The following STPG4 variants were observed in gnomAD, a reference collection of about 807,000 sequenced individuals.
STPG4 encodes the protein protein STPG4.
STPG4 carries 41 observed loss-of-function variants against 31.5 expected under a neutral mutation model. The observed-to-expected ratio is 1.30, with a 90% CI of 1.01 to 1.69. The LOEUF is 1.69. STPG4 is among the 40% of genes most tolerant of loss of function. The pLI, the probability that STPG4 is intolerant of heterozygous loss-of-function variation, is 0.00. For synonymous variants in STPG4, 141 were observed against 103.0 expected, an observed-to-expected ratio of 1.37 and a Z score of -2.24; for missense variants, 375 against 293.4, an observed-to-expected ratio of 1.28 and a Z score of -2.03.
At chr2:47,088,789 G>C (rs935515076) in intron 6 of STPG4, among the ~76,000 whole-genome samples, 1 of 152,194 alleles carries the variant, frequency 6.6e-6, no homozygotes, top group Non-Finnish European at 1.5e-5. Context: ...AAAAGCAGAG[G>C]AGCAGCCTGG....
intron 5 of STPG4, among the ~76,000 whole-genome samples, chr2:47,093,243 C>G (rs915397760): frequency 6.6e-6 from 1 of 152,192 alleles, no homozygotes; most frequent in African/African-American, 2.4e-5. Flanking sequence ...AGATGCCCCT[C>G]ATCATTTTTA....
intron 5 of STPG4, among the ~76,000 whole-genome samples, chr2:47,103,323 T>A (rs1173001946): frequency 2.0e-5 from 3 of 151,822 alleles, no homozygotes; most frequent in Admixed American, 2.0e-4. Flanking sequence ...CCCAAATCAC[T>A]CGAGGGTCAA....
At chr2:47,104,288 G>A (rs561616166) in intron 5 of STPG4, among the ~76,000 whole-genome samples, 7 of 151,938 alleles carry the variant, frequency 4.6e-5, no homozygotes, top group East Asian at 1.9e-4. Context: ...AAAGGATTAC[G>A]GAATACTGTT....
Position 47,086,996 on chromosome 2 carries a change from G to A in STPG4, c.*12C>T. 1 of 1,551,540 alleles carries A rather than the reference G, an allele frequency of 6.4e-7. No homozygotes were observed. On this transcript the variant is annotated 3_prime_UTR_variant, in exon 7 of 7. Transcript: ENST00000445927. Reference sequence around the variant, plus strand: ...ACTAAACCTCAAAGTAGAGCTTGGTGCCAAGATCACTTTATTTTAAAAGCC... The same window carrying A: ...ACTAAACCTCAAAGTAGAGCTTGGTACCAAGATCACTTTATTTTAAAAGCC...
intron 3 of STPG4, among the ~76,000 whole-genome samples, chr2:47,132,060 G>A (rs930011699): frequency 2.6e-5 from 4 of 152,056 alleles, no homozygotes; most frequent in Admixed American, 2.0e-4. Context: ...AGCTACTTGG[G>A]AAGCTGAGGC....
chr2:47,139,896 C>A (rs1311433280), intron 3 of STPG4, among the ~76,000 whole-genome samples: 1 of 152,130 alleles, frequency 6.6e-6, no homozygotes, highest in African/African-American at 2.4e-5. Flanking sequence ...CTGCCTCAGC[C>A]GCCTAAGTAG....
At chr2:47,114,881 C>A (rs1686114436) in intron 5 of STPG4, among the ~76,000 whole-genome samples, 1 of 152,146 alleles carries the variant, frequency 6.6e-6, no homozygotes, top group Non-Finnish European at 1.5e-5. Flanking sequence ...AATTCTCCTG[C>A]CTCAGCATCC....
intron 3 of STPG4, among the ~76,000 whole-genome samples, chr2:47,148,845 A>G (rs1354402208): frequency 6.6e-6 from 1 of 152,188 alleles, no homozygotes; most frequent in Non-Finnish European, 1.5e-5. Context: ...CCATGTCCCT[A>G]CAAAAGACAT....
chr2:47,153,964 A>T (rs946248766), intron 1 of STPG4, among the ~76,000 whole-genome samples: 3 of 152,138 alleles, frequency 2.0e-5, no homozygotes, highest in African/African-American at 7.2e-5. Context: ...ATCCATTATT[A>T]TTTCATATTT....
At chr2:47,127,359 C>G (rs1686387271) in intron 5 of STPG4, among the ~76,000 whole-genome samples, 1 of 144,642 alleles carries the variant, frequency 6.9e-6, no homozygotes, top group African/African-American at 2.5e-5. Flanking sequence ...AGCTCCGCCT[C>G]CCAGGTTCAA....
At chr2:47,148,441 A>G (rs1558689122) in intron 3 of STPG4, among the ~76,000 whole-genome samples, 1 of 152,188 alleles carries the variant, frequency 6.6e-6, no homozygotes, top group Non-Finnish European at 1.5e-5. Context: ...AGTTGAAAAA[A>G]AAATAGAAAG....
chr2:47,113,737 G>C (rs1220197064), intron 5 of STPG4, among the ~76,000 whole-genome samples: 1 of 152,136 alleles, frequency 6.6e-6, no homozygotes, highest in Non-Finnish European at 1.5e-5. Context: ...TCCTTAAAAA[G>C]TGATGCCCAA....
Position 47,151,388 on chromosome 2 carries a change from T to C in STPG4, c.269A>G (p.Asn90Ser), listed in dbSNP as rs1223848684. 1 of 1,614,216 alleles carries C rather than the reference T, an allele frequency of 6.2e-7. No homozygotes were observed. The highest frequency in any genetic ancestry group is 8.5e-7 in the Non-Finnish European group (1 of 1,180,036). The change falls in exon 3 of 7, where the codon AAT (asparagine) becomes AGT (serine). Residue 90 changes from asparagine to serine, a missense_variant. Transcript: ENST00000445927. ...RKKPPLVQRN[N>S]PVLNDLPQYM... Reference sequence around the variant, plus strand: ...CTGCGGAAGATCATTTAGGACTGGATTGTTTCTTTGCACAAGAGGTGGCTT... The same window carrying C: ...CTGCGGAAGATCATTTAGGACTGGACTGTTTCTTTGCACAAGAGGTGGCTT...
chr2:47,116,230 G>A (rs1686150484), intron 5 of STPG4, among the ~76,000 whole-genome samples: 4 of 152,182 alleles, frequency 2.6e-5, no homozygotes, highest in Admixed American at 2.6e-4. Flanking sequence ...TCAGAGGTGT[G>A]GACTTTAAGA....
At chr2:47,127,762 C>T (rs1005869814) in intron 5 of STPG4, among the ~76,000 whole-genome samples, 5 of 152,072 alleles carry the variant, frequency 3.3e-5, no homozygotes, top group African/African-American at 1.2e-4. Flanking sequence ...TTTTGTTGCA[C>T]TTTGTCAAAA....
chr2:47,102,738 G>A (rs762628190), intron 5 of STPG4, among the ~76,000 whole-genome samples: 7 of 151,650 alleles, frequency 4.6e-5, no homozygotes, highest in African/African-American at 9.7e-5. Context: ...AAAAAACCCC[G>A]GGCTATCGGT....
At chr2:47,153,779 GA>G (rs1242994384) in intron 1 of STPG4, among the ~76,000 whole-genome samples, 4 of 151,364 alleles carry the variant, frequency 2.6e-5, no homozygotes, top group Admixed American at 6.6e-5. Context: ...ACCTCAGGGG[GA>G]AAAAAAAGAC....
chr2:47,130,042 T>C (rs769133145), intron 4 of STPG4, 47 bp from the exon 5 acceptor site: 1 of 1,488,114 alleles, frequency 6.7e-7, no homozygotes, highest in South Asian at 1.2e-5. Context: ...AATCTATTTT[T>C]TAAAGATCTT....
chr2:47,114,329 A>G (rs1356455575), intron 5 of STPG4, among the ~76,000 whole-genome samples: 1 of 151,876 alleles, frequency 6.6e-6, no homozygotes, highest in African/African-American at 2.4e-5. Context: ...ACATGGTGAA[A>G]TCCCATCTCT....
Sources: gnomAD v4.1 joint callset for allele counts (sites outside exome capture counted in the v4.1 genomes callset) on GRCh38, gnomAD v4.1.1 for gene constraint, MANE v1.5 for transcripts, NCBI Gene and HGNC (gene_info 2026-07-23, HGNC 2026-07-21) for gene names.